Variants in RFC5 observed in about 807,000 individuals in gnomAD.
The protein encoded by RFC5 is replication factor C subunit 5, also known as A1 36 kDa subunit.
A neutral mutation model predicts 44.3 loss-of-function variants in RFC5; 26 were observed. The ratio of observed to expected loss-of-function variants is 0.59; its 90% CI spans 0.43 to 0.81. The LOEUF (loss-of-function observed/expected upper bound fraction) is 0.81. RFC5 is among the 40% of genes least tolerant of loss of function. RFC5 has a pLI of 0.00. For missense variants in RFC5, 328 were observed against 418.6 expected, an observed-to-expected ratio of 0.78 and a Z score of 1.89; for synonymous variants, 155 against 155.2, an observed-to-expected ratio of 1.00 and a Z score of 0.01.
At chr12:118,040,739 A>G in the RFC5 span, among the ~76,000 whole-genome samples, 1 of 151,854 alleles carries the variant, frequency 6.6e-6, no homozygotes, top group South Asian at 2.1e-4. Flanking sequence ...CAGGTTCCAC[A>G]GTACTGGGCA....
At chr12:118,033,360 G>A (rs1208899408), downstream of RFC5, 1 of 152,436 alleles carries the variant, frequency 6.6e-6, no homozygotes, top group Non-Finnish European at 1.5e-5. Context: ...TAAGTACTAT[G>A]GTTTTTAGAT....
intron 1 of RFC5, among the ~76,000 whole-genome samples, chr12:118,017,311 A>G (rs537322966): frequency 3.5e-4 from 53 of 152,346 alleles, no homozygotes; most frequent in Admixed American, 7.8e-4. Flanking sequence ...TGAATGGCAT[A>G]TTATTAGATT....
At chr12:118,025,933 C>T in intron 7 of RFC5, 105 bp downstream of exon 7, 1 of 697,420 alleles carries the variant, frequency 1.4e-6, no homozygotes, top group Non-Finnish European at 2.5e-6. Flanking sequence ...ACTGCAACCT[C>T]CGCCTCCTGG....
chr12:118,024,738 A>G, intron 5 of RFC5, 113 bp from the exon 6 acceptor site: 1 of 837,860 alleles, frequency 1.2e-6, no homozygotes, highest in Non-Finnish European at 1.9e-6. Flanking sequence ...ACTTGTTTGC[A>G]GTATTGAATC....
chr12:118,020,335 C>G (rs1353676714), intron 3 of RFC5, among the ~76,000 whole-genome samples: 1 of 152,230 alleles, frequency 6.6e-6, no homozygotes, highest in Non-Finnish European at 1.5e-5. Context: ...GCCCTTCAGG[C>G]TCAAGGGTGA....
intron 4 of RFC5, among the ~76,000 whole-genome samples, chr12:118,021,763 C>T (rs1214395133): frequency 1.3e-5 from 2 of 151,950 alleles, no homozygotes; most frequent in Non-Finnish European, 2.9e-5. Flanking sequence ...TCAAGACCAG[C>T]ATGGCCAACA....
chr12:118,022,452 T>C lies in RFC5; in HGVS notation c.421+93T>C. 10 of 909,624 alleles carry C rather than the reference T, an allele frequency of 1.1e-5. No homozygotes were observed. The South Asian group carries it at 1.4e-4, about 13-fold the overall frequency. 56.3% of individuals were successfully genotyped at this position (909,624 alleles called of 1,614,324 possible). A position where few individuals can be genotyped will look rare whatever the true frequency, so the allele number is the denominator to read the frequency against. Reference sequence around the variant, plus strand: ...TTTGTTGCTGTTGTCATTGTTTTTTTAGGCGGGGGGGAGTTTTTTTTTCTT... The same window carrying C: ...TTTGTTGCTGTTGTCATTGTTTTTTCAGGCGGGGGGGAGTTTTTTTTTCTT... On this transcript the variant is annotated intron_variant, in intron 5 of 10. Coordinates refer to ENST00000454402, the MANE Select transcript of RFC5 (RefSeq NM_007370.7).
intron 5 of RFC5, among the ~76,000 whole-genome samples, chr12:118,022,817 G>A (rs901686781): frequency 2.0e-5 from 3 of 152,104 alleles, no homozygotes; most frequent in African/African-American, 7.2e-5. Context: ...GGCTTGGCTT[G>A]TTTTCAGTTT....
rs2031317583 is a variant in RFC5, at chr12:118,031,416, G to A, written c.*138G>A. On this transcript the variant is annotated 3_prime_UTR_variant, in exon 11 of 11. Transcript: ENST00000454402. The stretch of plus-strand genomic sequence containing the variant: ...CTTGGAAAAACCCCCTTCCAGGAGA[G>A]GATGGGCAGGCATTTAAAAAGTACC... 5 of 534,408 alleles carry A rather than the reference G, an allele frequency of 9.4e-6. No individual in the cohort carries two copies. The highest frequency in any genetic ancestry group is 7.0e-5 in the Admixed American group (2 of 28,512). The allele number at this position is 534,408 out of a possible 1,614,324, so 33.1% of individuals were successfully genotyped here.
chr12:118,039,377 G>T, the RFC5 span, among the ~76,000 whole-genome samples: 26,774 of 152,206 alleles, frequency 0.18, 2,358 homozygotes, highest in African/African-American at 0.2. Flanking sequence ...GAATTAGAGA[G>T]AGATTTTCCA....
chr12:118,022,802 GAT>G (rs2030604969), intron 5 of RFC5, among the ~76,000 whole-genome samples: 1 of 152,192 alleles, frequency 6.6e-6, no homozygotes. Flanking sequence ...TAGGATGTGA[GAT>G]ATGGCTTGGC....
the RFC5 span, chr12:118,038,253 C>T: frequency 6.3e-7 from 1 of 1,591,182 alleles, no homozygotes; most frequent in Non-Finnish European, 8.6e-7. Context: ...ACCTCCATGT[C>T]TCAGTGAATT....
At chr12:118,022,120 G>A (rs541584424) in intron 4 of RFC5, among the ~76,000 whole-genome samples, 166 bp from the exon 5 acceptor site, 3 of 152,266 alleles carry the variant, frequency 2.0e-5, no homozygotes, top group African/African-American at 4.8e-5. Context: ...GGAGTGATGC[G>A]GCATTTCCTC....
intron 6 of RFC5, 88 bp from the exon 7 acceptor site, chr12:118,025,659 C>A: frequency 2.6e-6 from 2 of 778,978 alleles, no homozygotes; most frequent in Non-Finnish European, 4.7e-6. Context: ...CCCTTTAAAG[C>A]CTTAATCATT....
chr12:118,026,434 C>G (rs1474191301), intron 7 of RFC5, among the ~76,000 whole-genome samples: 1 of 152,042 alleles, frequency 6.6e-6, no homozygotes. Flanking sequence ...GAGACTCTGT[C>G]TCCACTAAAA....
chr12:118,035,382 A>G (rs1222606337), downstream of RFC5: 3 of 1,506,416 alleles, frequency 2.0e-6, no homozygotes, highest in Admixed American at 3.4e-5. Context: ...TCCACCCTCC[A>G]TCATCACCCT....
downstream of RFC5, chr12:118,034,978 A>G (rs373392059): frequency 6.2e-7 from 1 of 1,613,818 alleles, no homozygotes; most frequent in Non-Finnish European, 8.5e-7. Flanking sequence ...CAGCTAACAA[A>G]TACATACCCT....
chr12:118,017,547 T>C (rs983904118), intron 1 of RFC5: 5 of 422,612 alleles, frequency 1.2e-5, no homozygotes, highest in Non-Finnish European at 1.8e-5. Flanking sequence ...TCCAAGACTT[T>C]GAAGCAATTT....
At chr12:118,022,532 T>C (rs567684028) in intron 5 of RFC5, among the ~76,000 whole-genome samples, 173 bp downstream of exon 5, 1 of 151,944 alleles carries the variant, frequency 6.6e-6, no homozygotes, top group Admixed American at 6.6e-5. Flanking sequence ...TGGCGCAATC[T>C]TGGCTCACTG....
Sources: allele counts gnomAD v4.1 joint callset (sites outside exome capture counted in the v4.1 genomes callset), GRCh38; gene constraint gnomAD v4.1.1; transcripts MANE v1.5; gene names NCBI Gene and HGNC (gene_info 2026-07-23, HGNC 2026-07-21).